Variants in TACC2 observed in about 807,000 individuals in gnomAD.
The protein encoded by TACC2 is transforming acidic coiled-coil containing protein 2.
In TACC2, 137 loss-of-function variants were observed where a neutral mutation model predicts 227.3. The ratio of observed to expected loss-of-function variants is 0.60; its 90% CI spans 0.52 to 0.69. The LOEUF is 0.69. Among genes scored for constraint, TACC2 ranks in the 30% least tolerant of loss-of-function variants. The pLI is 0.00. For synonymous variants in TACC2, 1,523 were observed against 1,487.5 expected (o/e 1.02, Z -0.55); for missense variants, 3,470 against 3,694.4 (o/e 0.94, Z 1.57).
intron 7 of TACC2, among the ~76,000 whole-genome samples, chr10:122,148,904 C>T (rs1377716953): frequency 6.6e-6 from 1 of 152,228 alleles, no homozygotes; most frequent in East Asian, 1.9e-4. Flanking sequence ...GTCTCTGCCT[C>T]CTATCCCTGC....
intron 5 of TACC2, among the ~76,000 whole-genome samples, chr10:122,090,885 G>A (rs2080739918): frequency 6.6e-6 from 1 of 152,102 alleles, no homozygotes; most frequent in African/African-American, 2.4e-5. Flanking sequence ...GGGACTACAG[G>A]TGTGCACCAC....
chr10:122,117,140 G>C (rs568039030), intron 5 of TACC2, among the ~76,000 whole-genome samples: 3 of 151,412 alleles, frequency 2.0e-5, no homozygotes, highest in African/African-American at 7.3e-5. Context: ...TCTCAGGGCC[G>C]CAGTTTCTCC....
Position 122,141,237 on chromosome 10 carries a change from C to G in TACC2, c.5700-2335C>G, listed in dbSNP as rs923741268. ...GGGCCCAGGAGGTGTCTGTGGGGGC[C>G]CATGTGTTAGCGCTTGGGCTTGGAT... On this transcript the variant is annotated intron_variant, in intron 6 of 22. Transcript: ENST00000369005. This position sits in a 1 kb window ranked among gnomAD's most constrained non-coding sequence, Gnocchi z 4.3. Among the ~76,000 whole-genome samples the G allele has an allele frequency of 6.6e-6, 1 of 151,942 alleles. No homozygotes were observed. The highest frequency in any genetic ancestry group is 2.4e-5 in the African/African-American group (1 of 41,360).
At chr10:122,119,862 T>C (rs535988230) in intron 5 of TACC2, among the ~76,000 whole-genome samples, 1 of 151,396 alleles carries the variant, frequency 6.6e-6, no homozygotes, top group East Asian at 1.9e-4. Context: ...GAGGTTGCAG[T>C]GAGTCAAGAT....
At chr10:122,120,810 G>A (rs769874060) in intron 5 of TACC2, among the ~76,000 whole-genome samples, 12 of 151,942 alleles carry the variant, frequency 7.9e-5, no homozygotes, top group South Asian at 2.1e-4. Context: ...GTCCAGGCTG[G>A]AGTGCAGTGG....
chr10:122,125,528 C>T (rs373329941), intron 5 of TACC2, among the ~76,000 whole-genome samples: 2 of 152,084 alleles, frequency 1.3e-5, no homozygotes, highest in Non-Finnish European at 2.9e-5. Context: ...AGCTCCTTCA[C>T]GCTGGAAGAA....
intron 7 of TACC2, among the ~76,000 whole-genome samples, chr10:122,185,021 C>CTTTT (rs34148046): frequency 3.0e-4 from 29 of 95,300 alleles, no homozygotes; most frequent in African/African-American, 4.7e-4. Flanking sequence ...GTCACTTATT[C>CTTTT]TTTTTTTTTT....
intron 19 of TACC2, chr10:122,246,828 CGTGCACACATGT>C (rs1564853455): frequency 6.6e-6 from 1 of 151,990 alleles, no homozygotes; most frequent in African/African-American, 2.4e-5. Context: ...CACGCACACA[CGTGCACACATGT>C]GTGCACACAT....
In TACC2 at chr10:122,084,798, G is replaced by A. The variant is rs145289539; in HGVS notation, c.2298G>A (p.Ala766=). 2.5e-5 allele frequency: 41 copies of A among 1,613,550 alleles called. No homozygotes were observed. The highest frequency in any genetic ancestry group is 1.1e-4 in the East Asian group (5 of 44,902). The change falls in exon 4 of 23, where the codon GCG becomes GCA. Residue 766 remains alanine (A), a synonymous_variant. Transcript: ENST00000369005. ...LTSPDQPRGP[A]CDASRQEFHA... ...CCCCAGATCAACCCCGCGGGCCGGC[G>A]TGTGATGCGTCGAGACAGGAATTTC...
intron 5 of TACC2, 31 bp from the exon 6 acceptor site, chr10:122,132,578 A>C: frequency 6.2e-7 from 1 of 1,612,868 alleles, no homozygotes; most frequent in African/African-American, 1.3e-5. Context: ...AATGTTTCTG[A>C]GTTTAGGTTC....
At chr10:122,170,219 C>CTTG in intron 7 of TACC2, among the ~76,000 whole-genome samples, 1 of 149,276 alleles carries the variant, frequency 6.7e-6, no homozygotes, top group East Asian at 2.0e-4. Flanking sequence ...ACACCTGGGA[C>CTTG]CTTATTCACC....
chr10:122,155,960 C>T (rs1299085732), intron 7 of TACC2, among the ~76,000 whole-genome samples: 4 of 150,268 alleles, frequency 2.7e-5, no homozygotes, highest in South Asian at 2.1e-4. Flanking sequence ...GCCTCAGCCT[C>T]GCGAGTAGCT....
At chr10:122,217,284 C>T (rs1196700881) in intron 11 of TACC2, among the ~76,000 whole-genome samples, 1 of 152,048 alleles carries the variant, frequency 6.6e-6, no homozygotes, top group Non-Finnish European at 1.5e-5. Flanking sequence ...TTTAATGAAG[C>T]CTCAAACCAG....
chr10:122,160,671 G>T (rs986301953), intron 7 of TACC2, among the ~76,000 whole-genome samples: 2 of 152,102 alleles, frequency 1.3e-5, no homozygotes, highest in Admixed American at 6.5e-5. Flanking sequence ...AGGGATTAGG[G>T]CTTCAACACA....
intron 3 of TACC2, among the ~76,000 whole-genome samples, chr10:122,067,852 A>G (rs1195803202): frequency 2.0e-5 from 3 of 152,026 alleles, no homozygotes; most frequent in African/African-American, 7.3e-5. Flanking sequence ...AGATTGTTGG[A>G]TATGTTGGTT....
chr10:122,141,336 A>C lies in TACC2; in HGVS notation c.5700-2236A>C, dbSNP rs933723594. 6.6e-6 allele frequency among the ~76,000 whole-genome samples: 1 copy of C among 152,054 alleles called. No homozygotes were observed. The highest frequency in any genetic ancestry group is 2.4e-5 in the African/African-American group (1 of 41,390). On this transcript the variant is annotated intron_variant, in intron 6 of 22. Coordinates refer to ENST00000369005, the MANE Select transcript of TACC2 (RefSeq NM_206862.4). The surrounding 1 kb of genome is among the most constrained non-coding windows in gnomAD (Gnocchi z 4.3). Reference sequence around the variant, plus strand: ...TGGGTATGAGCCAACAGGCGGTGGAAGGAGGGGGGCGCCTTTCTTAAATGA... The same window carrying C: ...TGGGTATGAGCCAACAGGCGGTGGACGGAGGGGGGCGCCTTTCTTAAATGA...
chr10:122,088,077 T>G (rs2080285413), intron 4 of TACC2, 118 bp downstream of exon 4: 2 of 1,118,450 alleles, frequency 1.8e-6, no homozygotes, highest in South Asian at 5.0e-5. Context: ...GAGTTTTCCA[T>G]ATCTAATTGC....
intron 3 of TACC2, among the ~76,000 whole-genome samples, chr10:122,079,570 G>A (rs747904439): frequency 5.3e-5 from 8 of 152,226 alleles, no homozygotes; most frequent in Non-Finnish European, 1.0e-4. Context: ...ATAAAGATGA[G>A]TGCAGGGGTG....
At chr10:122,167,852 G>C (rs1306968616) in intron 7 of TACC2, among the ~76,000 whole-genome samples, 2 of 152,132 alleles carry the variant, frequency 1.3e-5, no homozygotes, top group Admixed American at 1.3e-4. Flanking sequence ...GCTCTAAGCA[G>C]GACTCTTTCT....
Sources: allele counts gnomAD v4.1 joint callset (sites outside exome capture counted in the v4.1 genomes callset), GRCh38; gene constraint gnomAD v4.1.1; non-coding constraint Gnocchi (gnomAD v3.1); transcripts MANE v1.5; gene names NCBI Gene and HGNC (gene_info 2026-07-23, HGNC 2026-07-21).